MIPOL1: variants seen among roughly 807,000 people sequenced by gnomAD.
MIPOL1 encodes the protein mirror-image polydactyly 1.
In MIPOL1, 57 loss-of-function variants were observed where a neutral mutation model predicts 60.9. The ratio of observed to expected loss-of-function variants is 0.94; its 90% confidence interval spans 0.76 to 1.17. The LOEUF is 1.17. Ranked by LOEUF, MIPOL1 falls within the 50% of genes most tolerant of loss-of-function variation. The probability of loss-of-function intolerance (pLI) is 0.00; values close to 1 mark genes in which losing one functional copy is unlikely to be tolerated. For missense variants in MIPOL1, 551 were observed against 511.6 expected, an observed-to-expected ratio of 1.08 and a Z score of -0.74; for synonymous variants, 179 against 168.8, an observed-to-expected ratio of 1.06 and a Z score of -0.47.
At chr14:37,386,292 CTT>C (rs2093064587) in intron 10 of MIPOL1, among the ~76,000 whole-genome samples, 2 of 151,880 alleles carry the variant, frequency 1.3e-5, no homozygotes, top group Admixed American at 1.3e-4. Flanking sequence ...TTTCAAACCT[CTT>C]TAATTCTTTA....
At position 37,360,640 on chromosome 14, in the gene MIPOL1, A is replaced by G. The variant is rs192788987; in HGVS notation, c.829-8877A>G. The stretch of plus-strand genomic sequence containing the variant: ...ATAGTATTCTCTGATGGTAGCTTGT[A>G]TTTGTGTGGGATCGGTGGTGATATC... On this transcript the variant is annotated intron_variant, in intron 9 of 12. Transcript: ENST00000684589. 3.8e-4 allele frequency among the ~76,000 whole-genome samples: 58 copies of G among 152,208 alleles called. 1 individual carries two copies. The East Asian group carries it at 9.7e-3, about 25-fold the overall frequency.
intron 11 of MIPOL1, among the ~76,000 whole-genome samples, chr14:37,479,114 C>A (rs2094822503): frequency 1.3e-5 from 2 of 151,804 alleles, no homozygotes; most frequent in Admixed American, 6.6e-5. Flanking sequence ...TTGGAGAATA[C>A]CCCCACTTTA....
Position 37,478,879 on chromosome 14 carries a change from CTT to C in MIPOL1, c.1032-21027_1032-21026del, listed in dbSNP as rs928867157. 9.8e-4 allele frequency among the ~76,000 whole-genome samples: 149 copies of C among 151,800 alleles called. 2 individuals carry two copies. Among genetic ancestry groups the C allele is most frequent in the African/African-American group, 3.5e-3 (147 of 41,440 alleles). ...TAAATATTGTTTTAGACAATATAGA[CTT>C]TAAGTCAAAAACTGTAAAAAAAAAG... On this transcript the variant is annotated intron_variant, in intron 11 of 12. Coordinates refer to ENST00000684589, the MANE Select transcript of MIPOL1 (RefSeq NM_001388067.1).
chr14:37,496,508 CAG>C (rs1454913237), intron 11 of MIPOL1, among the ~76,000 whole-genome samples: 1 of 144,216 alleles, frequency 6.9e-6, no homozygotes, highest in East Asian at 2.0e-4. Flanking sequence ...ACACCAATAA[CAG>C]ACAAACAGAG....
At chr14:37,273,272 G>A (rs2083425913) in intron 6 of MIPOL1, among the ~76,000 whole-genome samples, 1 of 150,594 alleles carries the variant, frequency 6.6e-6, no homozygotes, top group Admixed American at 6.6e-5. Flanking sequence ...TGGTCTTTAA[G>A]TGAAACTATT....
chr14:37,285,240 T>C (rs1318785614), intron 6 of MIPOL1, 78 bp from the exon 7 acceptor site: 12 of 1,479,556 alleles, frequency 8.1e-6, no homozygotes, highest in African/African-American at 1.4e-5. Context: ...TAATTACTTA[T>C]GGCTTTTATT....
intron 7 of MIPOL1, among the ~76,000 whole-genome samples, chr14:37,299,982 G>C (rs966442085): frequency 6.6e-6 from 1 of 151,978 alleles, no homozygotes; most frequent in African/African-American, 2.4e-5. Flanking sequence ...ATTTGGGTTT[G>C]CCTCATGGTT....
chr14:37,383,307 G>A (rs1013124590), intron 10 of MIPOL1, among the ~76,000 whole-genome samples: 6 of 151,726 alleles, frequency 4.0e-5, no homozygotes, highest in Non-Finnish European at 7.4e-5. Context: ...TTTAAGTCCA[G>A]AGTCATTTTT....
At chr14:37,224,620 T>A (rs965736473) in intron 1 of MIPOL1, among the ~76,000 whole-genome samples, 4 of 152,026 alleles carry the variant, frequency 2.6e-5, no homozygotes, top group Non-Finnish European at 5.9e-5. Context: ...TTATCTCCCA[T>A]TGAGTCCCTC....
At chr14:37,314,214 T>A (rs1262741051) in intron 9 of MIPOL1, among the ~76,000 whole-genome samples, 9 of 152,234 alleles carry the variant, frequency 5.9e-5, no homozygotes, top group Non-Finnish European at 1.3e-4. Context: ...TTATTTTTTT[T>A]ATCAAATATT....
At chr14:37,395,439 T>G (rs1256129688) in intron 10 of MIPOL1, among the ~76,000 whole-genome samples, 1 of 152,188 alleles carries the variant, frequency 6.6e-6, no homozygotes. Context: ...CAGTGTTTTC[T>G]AGTTTTCCTT....
At chr14:37,538,459 C>CA (rs949681934) in intron 12 of MIPOL1, among the ~76,000 whole-genome samples, 14 of 151,292 alleles carry the variant, frequency 9.3e-5, no homozygotes, top group Non-Finnish European at 1.5e-4. Flanking sequence ...CTCAAAAGAA[C>CA]AAAAAAAAGT....
At position 37,247,640 on chromosome 14, in the gene MIPOL1, GT is replaced by G. The variant is rs1313216260; in HGVS notation, c.-60-188del. On this transcript the variant is annotated intron_variant, in intron 2 of 12. Transcript: ENST00000684589. Reference sequence around the variant, plus strand: ...GAACTGTATATACTAAAATACAAGTGTGAAGAAAAGAACCTTTTTCTGAGAA... The same window carrying G: ...GAACTGTATATACTAAAATACAAGTGGAAGAAAAGAACCTTTTTCTGAGAA... 2.0e-5 allele frequency among the ~76,000 whole-genome samples: 3 copies of G among 152,164 alleles called. No individual in the cohort carries two copies. In the East Asian group the frequency reaches 5.8e-4, roughly 29 times the overall value.
chr14:37,284,584 C>T (rs2084393902), intron 6 of MIPOL1, among the ~76,000 whole-genome samples: 1 of 151,756 alleles, frequency 6.6e-6, no homozygotes, highest in Non-Finnish European at 1.5e-5. Flanking sequence ...ACCTGGTGAT[C>T]CACCTGCCTC....
chr14:37,509,006 A>C (rs1400290146), intron 12 of MIPOL1, among the ~76,000 whole-genome samples: 1 of 151,342 alleles, frequency 6.6e-6, no homozygotes, highest in Non-Finnish European at 1.5e-5. Flanking sequence ...GACTGTTCCT[A>C]CTCCATTTCT....
At chr14:37,289,991 G>A (rs1486310921) in intron 7 of MIPOL1, among the ~76,000 whole-genome samples, 1 of 152,138 alleles carries the variant, frequency 6.6e-6, no homozygotes, top group Non-Finnish European at 1.5e-5. Context: ...ATCACAGCAG[G>A]TGAATGAATT....
Position 37,532,738 on chromosome 14 carries a change from C to G in MIPOL1, c.1263-14167C>G, listed in dbSNP as rs111681755. Among the ~76,000 whole-genome samples the G allele has an allele frequency of 5.9e-3, 900 of 152,196 alleles. 9 individuals carry two copies. Among genetic ancestry groups the G allele is most frequent in the South Asian group, 0.03 (147 of 4,820 alleles). On this transcript the variant is annotated intron_variant, in intron 12 of 12. Transcript: ENST00000684589. ...ACCTCTTTTGGTATGTGTTTTGTTACTGAACTTTGGTAGAAATACCTATTT... is the reference window on the plus strand; with the variant it reads ...ACCTCTTTTGGTATGTGTTTTGTTAGTGAACTTTGGTAGAAATACCTATTT...
At position 37,234,979 on chromosome 14, in the gene MIPOL1, G is replaced by T. The variant is rs373270923; in HGVS notation, c.-198-12124G>T. Among the ~76,000 whole-genome samples the T allele has an allele frequency of 2.9e-3, 384 of 134,484 alleles. 2 individuals are homozygous for T. The highest frequency in any genetic ancestry group is 0.01 in the African/African-American group (363 of 35,860). The allele number at this position is 134,484 out of a possible 152,430, so 88.2% of individuals were successfully genotyped here. On this transcript the variant is annotated intron_variant, in intron 1 of 12. Transcript: ENST00000684589. Reference sequence around the variant, plus strand: ...TTTTTTTTTTTGTATTTTTCATAGAGACAGGGTTTCACCGTGTTAGCCAGG... The same window carrying T: ...TTTTTTTTTTTGTATTTTTCATAGATACAGGGTTTCACCGTGTTAGCCAGG...
chr14:37,231,303 G>C (rs1305714898), intron 1 of MIPOL1, among the ~76,000 whole-genome samples: 2 of 151,994 alleles, frequency 1.3e-5, no homozygotes, highest in African/African-American at 2.4e-5. Flanking sequence ...TCCCAGGCTG[G>C]TCTCAAACTC....
Sources: allele counts gnomAD v4.1 joint callset (sites outside exome capture counted in the v4.1 genomes callset), GRCh38; gene constraint gnomAD v4.1.1; transcripts MANE v1.5; gene names NCBI Gene and HGNC (gene_info 2026-07-23, HGNC 2026-07-21).